AKAP13: variants seen among roughly 807,000 people sequenced by gnomAD.
The protein encoded by AKAP13 is A-kinase anchor protein 13.
AKAP13 carries 80 observed loss-of-function variants against 264.5 expected under a neutral mutation model. The ratio of observed to expected loss-of-function variants is 0.30; its 90% CI spans 0.25 to 0.36. AKAP13 has a LOEUF of 0.36. Ranked by LOEUF, AKAP13 falls within the 10% of genes least tolerant of loss-of-function variation. The pLI is 1.00. For missense variants in AKAP13, 3,712 were observed against 3,435.2 expected (o/e 1.08, Z -2.01); for synonymous variants, 1,380 against 1,250.2 (o/e 1.10, Z -2.19).
intron 8 of AKAP13, among the ~76,000 whole-genome samples, chr15:85,619,063 C>T (rs2081060015): frequency 6.6e-6 from 1 of 152,110 alleles, no homozygotes; most frequent in Non-Finnish European, 1.5e-5. Flanking sequence ...TTTAGTATAA[C>T]ACCCCCCTTC....
intron 5 of AKAP13, among the ~76,000 whole-genome samples, chr15:85,574,767 C>T (rs2078952616): frequency 6.6e-6 from 1 of 152,132 alleles, no homozygotes; most frequent in African/African-American, 2.4e-5. Flanking sequence ...TTTAAGAGCA[C>T]CTCTTAATAA....
At chr15:85,553,493 A>G (rs2078036446) in intron 5 of AKAP13, among the ~76,000 whole-genome samples, 1 of 152,190 alleles carries the variant, frequency 6.6e-6, no homozygotes, top group Non-Finnish European at 1.5e-5. Flanking sequence ...CTATCTCTTA[A>G]TATTCATTTT....
rs34143380 is a variant in AKAP13, at chr15:85,711,010, CTT to C, written c.5599+376_5599+377del. Among the ~76,000 whole-genome samples, 11 of 149,118 alleles carry C rather than the reference CTT, an allele frequency of 7.4e-5. No homozygotes were observed. The East Asian group carries it at 1.2e-3, about 16-fold the overall frequency. ...ATCAAATGAGATCTGGCTTGTTAAA[CTT>C]TTTTTTTTTTATTATTTTTTTGAGA... On this transcript the variant is annotated intron_variant, in intron 19 of 36. Coordinates refer to ENST00000394518, the MANE Select transcript of AKAP13 (RefSeq NM_007200.5).
intron 1 of AKAP13, among the ~76,000 whole-genome samples, chr15:85,424,082 T>C (rs531278189): frequency 6.6e-6 from 1 of 152,346 alleles, no homozygotes; most frequent in Admixed American, 6.5e-5. Context: ...TTATGGGCTC[T>C]AGAATTTTTA....
At chr15:85,614,419 T>C (rs2080847441) in intron 8 of AKAP13, among the ~76,000 whole-genome samples, 1 of 152,252 alleles carries the variant, frequency 6.6e-6, no homozygotes, top group Non-Finnish European at 1.5e-5. Context: ...CATTCTATTT[T>C]TGTAAGATAT....
At position 85,585,350 on chromosome 15, in the gene AKAP13, A is replaced by G. The variant is rs113396488; in HGVS notation, c.4040-352A>G. 5.4e-3 allele frequency among the ~76,000 whole-genome samples: 815 copies of G among 152,300 alleles called. 8 individuals carry two copies. The highest frequency in any genetic ancestry group is 0.019 in the African/African-American group (776 of 41,546). On this transcript the variant is annotated intron_variant, in intron 7 of 36. Coordinates refer to ENST00000394518, the MANE Select transcript of AKAP13 (RefSeq NM_007200.5). ...CAAGATGGACTACCTAGCTTCAGCTATTAATCTGTTCCCCTGAAGCTTATG... is the reference window on the plus strand; with the variant it reads ...CAAGATGGACTACCTAGCTTCAGCTGTTAATCTGTTCCCCTGAAGCTTATG...
At chr15:85,492,323 A>C (rs1043874227) in intron 2 of AKAP13, among the ~76,000 whole-genome samples, 9 of 152,212 alleles carry the variant, frequency 5.9e-5, no homozygotes, top group African/African-American at 2.2e-4. Context: ...TCAAGCCTGC[A>C]GTGAGCTATG....
chr15:85,391,107 C>T (rs1054508536), intron 1 of AKAP13, among the ~76,000 whole-genome samples: 2 of 152,108 alleles, frequency 1.3e-5, no homozygotes, highest in African/African-American at 4.8e-5. Flanking sequence ...ATAATCATGA[C>T]AGTCATAAAA....
chr15:85,573,353 G>A (rs1007539159), intron 5 of AKAP13, among the ~76,000 whole-genome samples: 3 of 152,058 alleles, frequency 2.0e-5, no homozygotes, highest in Non-Finnish European at 2.9e-5. Flanking sequence ...GATCAGCCTG[G>A]CCAATGTGGC....
At chr15:85,573,572 A>AATAAATAAATAAG (rs998963083) in intron 5 of AKAP13, among the ~76,000 whole-genome samples, 1 of 151,840 alleles carries the variant, frequency 6.6e-6, no homozygotes, top group Non-Finnish European at 1.5e-5. Flanking sequence ...TAAATAAATA[A>AATAAATAAATAAG]ATATGATATG....
At chr15:85,665,155 A>AT (rs1242125156) in intron 13 of AKAP13, among the ~76,000 whole-genome samples, 5 of 152,130 alleles carry the variant, frequency 3.3e-5, no homozygotes, top group Non-Finnish European at 7.4e-5. Context: ...TTGAGTTGTG[A>AT]TTGCACCACT....
chr15:85,535,832 C>G (rs1328740665), intron 4 of AKAP13: 1 of 144,214 alleles, frequency 6.9e-6, no homozygotes, highest in East Asian at 2.0e-4. Context: ...TAGAGTCTTG[C>G]TCTGTCGCCC....
At chr15:85,546,879 G>T (rs956469787) in intron 5 of AKAP13, among the ~76,000 whole-genome samples, 2 of 152,066 alleles carry the variant, frequency 1.3e-5, no homozygotes, top group African/African-American at 4.8e-5. Context: ...GAGTAGCTGG[G>T]ATTACAGGCA....
chr15:85,643,167 T>G (rs746491022), intron 9 of AKAP13, among the ~76,000 whole-genome samples: 15 of 151,552 alleles, frequency 9.9e-5, no homozygotes, highest in Non-Finnish European at 2.1e-4. Context: ...ATTTTCAGAT[T>G]CATCCATGAG....
chr15:85,427,897 G>A (rs1318701388), intron 1 of AKAP13, among the ~76,000 whole-genome samples: 1 of 152,134 alleles, frequency 6.6e-6, no homozygotes, highest in African/African-American at 2.4e-5. Flanking sequence ...TGTTAGAGAA[G>A]GCAACAACAG....
intron 16 of AKAP13, among the ~76,000 whole-genome samples, chr15:85,692,465 A>G (rs949932429): frequency 6.6e-6 from 1 of 151,956 alleles, no homozygotes; most frequent in Admixed American, 6.5e-5. Flanking sequence ...GGGTCACGCT[A>G]TTACTGAGTA....
intron 12 of AKAP13, among the ~76,000 whole-genome samples, chr15:85,660,953 A>C (rs766964682): frequency 6.6e-6 from 1 of 152,138 alleles, no homozygotes; most frequent in Non-Finnish European, 1.5e-5. Context: ...CAACAAAACA[A>C]AGTTATTAGA....
chr15:85,639,424 T>C lies in AKAP13; in HGVS notation c.4212T>C (p.Ser1404=). The change falls in exon 9 of 37, where the codon TCT becomes TCC. Residue 1404 remains serine, a synonymous_variant. Transcript: ENST00000394518. ...CTIEPCPDAA[S]LLASKQSPEC... is the part of the protein sequence containing the mutation. ...TAGAGCCATGCCCTGATGCAGCATC[T>C]CTTCTGGCTTCCAAGCAGAGCCCAG... 1 of 1,613,114 alleles carries C rather than the reference T, an allele frequency of 6.2e-7. No individual in the cohort carries two copies. The highest frequency in any genetic ancestry group is 8.5e-7 in the Non-Finnish European group (1 of 1,179,624).
intron 33 of AKAP13, among the ~76,000 whole-genome samples, chr15:85,738,116 G>T (rs750264289): frequency 6.6e-6 from 1 of 152,136 alleles, no homozygotes; most frequent in Non-Finnish European, 1.5e-5. Context: ...AAATAAGAGG[G>T]GCCGGGCTCG....
Sources: allele counts gnomAD v4.1 joint callset (sites outside exome capture counted in the v4.1 genomes callset), GRCh38; gene constraint gnomAD v4.1.1; transcripts MANE v1.5; gene names NCBI Gene and HGNC (gene_info 2026-07-23, HGNC 2026-07-21).